Variants in REEP1 observed in about 807,000 individuals in gnomAD.
REEP1 encodes receptor expression-enhancing protein 1.
Under a neutral mutation model 40.3 loss-of-function variants are expected in REEP1, and 22 were observed. The ratio of observed to expected loss-of-function variants is 0.55; its 90% CI spans 0.39 to 0.78. The LOEUF is 0.78. Ranked by LOEUF, REEP1 falls within the 30% of genes least tolerant of loss-of-function variation. The pLI, the probability that REEP1 is intolerant of heterozygous loss-of-function variation, is 0.00. For missense variants in REEP1, 280 were observed against 361.1 expected, an observed-to-expected ratio of 0.78 and a Z score of 1.82; for synonymous variants, 116 against 139.2, an observed-to-expected ratio of 0.83 and a Z score of 1.17.
At chr2:86,280,952 C>T (rs1461812566) in intron 2 of REEP1, among the ~76,000 whole-genome samples, 1 of 152,160 alleles carries the variant, frequency 6.6e-6, no homozygotes, top group Admixed American at 6.5e-5. Context: ...GTAAAAGAGG[C>T]AAAGGCATGG....
intron 5 of REEP1, among the ~76,000 whole-genome samples, chr2:86,249,080 A>T (rs1200970274): frequency 6.6e-6 from 1 of 152,094 alleles, no homozygotes; most frequent in Non-Finnish European, 1.5e-5. Flanking sequence ...CCAACATGGC[A>T]AAACCCAGTC....
intron 1 of REEP1, among the ~76,000 whole-genome samples, chr2:86,329,862 G>T (rs1461067424): frequency 6.6e-6 from 1 of 152,104 alleles, no homozygotes; most frequent in African/African-American, 2.4e-5. Context: ...TCTGTAAGGG[G>T]ATATCAACGC....
At chr2:86,318,538 C>G (rs1680138388) in intron 1 of REEP1, among the ~76,000 whole-genome samples, 1 of 151,862 alleles carries the variant, frequency 6.6e-6, no homozygotes, top group African/African-American at 2.4e-5. Context: ...GCTGGGACTA[C>G]AGGTCCATGC....
intron 1 of REEP1, among the ~76,000 whole-genome samples, chr2:86,332,318 G>A (rs1680806498): frequency 6.6e-6 from 1 of 151,872 alleles, no homozygotes; most frequent in African/African-American, 2.4e-5. Flanking sequence ...AAGAATTCTG[G>A]TAACCAGCTG....
chr2:86,275,554 C>T (rs960726399), intron 2 of REEP1, among the ~76,000 whole-genome samples: 1 of 152,300 alleles, frequency 6.6e-6, no homozygotes, highest in African/African-American at 2.4e-5. Context: ...AGGTCCCAGA[C>T]AACTAGAGGC....
In REEP1 at chr2:86,263,976, G is replaced by T; in HGVS notation, c.171C>A (p.Ile57=). ...CCTGGAGTACTTACCAACAAAGGAA[G>T]ATGTCTGTGAATGTCTCTGCTGTGG... ...LFTTAETFTD[I]FLCWFPFYYE... is the part of the protein sequence containing the mutation. The change falls in exon 3 of 9, where the codon ATC becomes ATA. Residue 57 remains isoleucine (I), a synonymous_variant. Transcript: ENST00000538924. 2 of 1,612,190 alleles carry T rather than the reference G, an allele frequency of 1.2e-6. No homozygotes were observed. Among genetic ancestry groups the T allele is most frequent in the Non-Finnish European group, 1.7e-6 (2 of 1,178,222 alleles).
At chr2:86,229,598 CTTTTTTTT>C (rs70956106) in intron 6 of REEP1, among the ~76,000 whole-genome samples, 91 of 114,456 alleles carry the variant, frequency 8.0e-4, no homozygotes, top group African/African-American at 1.7e-3. Flanking sequence ...ACCTGTCTTC[CTTTTTTTT>C]TTTTTTTTTT....
At chr2:86,217,218 A>G (rs1382815388) in intron 8 of REEP1, 108 bp from the exon 9 acceptor site, 1 of 919,958 alleles carries the variant, frequency 1.1e-6, no homozygotes, top group Non-Finnish European at 1.8e-6. Context: ...CTTTGGCCAA[A>G]TGCAGCTGGC....
At chr2:86,240,510 G>T (rs949707365) in intron 5 of REEP1, among the ~76,000 whole-genome samples, 1 of 152,238 alleles carries the variant, frequency 6.6e-6, no homozygotes, top group African/African-American at 2.4e-5. Flanking sequence ...GCACGTGCTG[G>T]CGGGGAAGTG....
chr2:86,279,276 G>A (rs1677928810), intron 2 of REEP1, among the ~76,000 whole-genome samples: 1 of 152,230 alleles, frequency 6.6e-6, no homozygotes, highest in South Asian at 2.1e-4. Flanking sequence ...AGAAGCGACT[G>A]GGAAGTAGGG....
intron 2 of REEP1, among the ~76,000 whole-genome samples, chr2:86,270,822 AT>A (rs564165053): frequency 2.0e-4 from 30 of 152,180 alleles, no homozygotes; most frequent in Non-Finnish European, 3.2e-4. Context: ...TGTAATAGGA[AT>A]TCCAGAAGGA....
chr2:86,238,041 C>T (rs568664836), intron 5 of REEP1, among the ~76,000 whole-genome samples: 66 of 152,142 alleles, frequency 4.3e-4, no homozygotes, highest in Middle Eastern at 3.4e-3. Context: ...ATTAGCCAGG[C>T]ATGGTGGTGC....
intron 1 of REEP1, among the ~76,000 whole-genome samples, chr2:86,299,485 T>C (rs535189802): frequency 9.6e-4 from 146 of 152,324 alleles, no homozygotes; most frequent in Middle Eastern, 3.4e-3. Context: ...CTATTCTTTT[T>C]ATAAAACCTT....
At chr2:86,300,350 T>G (rs1679202655) in intron 1 of REEP1, among the ~76,000 whole-genome samples, 1 of 152,150 alleles carries the variant, frequency 6.6e-6, no homozygotes, top group African/African-American at 2.4e-5. Flanking sequence ...GAAGCCAGTT[T>G]CATACCACAC....
intron 7 of REEP1, among the ~76,000 whole-genome samples, chr2:86,221,557 C>A (rs1674427652): frequency 6.6e-6 from 1 of 152,146 alleles, no homozygotes; most frequent in South Asian, 2.1e-4. Flanking sequence ...TCCCTGGCCT[C>A]CCCACTCTGA....
chr2:86,284,508 G>C (rs937722996), intron 1 of REEP1, among the ~76,000 whole-genome samples: 1 of 152,226 alleles, frequency 6.6e-6, no homozygotes, highest in Non-Finnish European at 1.5e-5. Context: ...CCTTGGGACT[G>C]AGGTCTCGGT....
chr2:86,219,863 TGAG>T, intron 8 of REEP1, 104 bp downstream of exon 8: 2 of 810,590 alleles, frequency 2.5e-6, no homozygotes, highest in Middle Eastern at 4.2e-4. Context: ...CCCCAGGTAT[TGAG>T]GAGATGTTGG....
intron 5 of REEP1, 70 bp downstream of exon 5, chr2:86,251,887 G>T: frequency 9.6e-7 from 1 of 1,039,188 alleles, no homozygotes; most frequent in Non-Finnish European, 1.5e-6. Context: ...CTGTGTGGTC[G>T]CACAGGTGAT....
At chr2:86,265,847 C>G (rs1354210058) in intron 2 of REEP1, among the ~76,000 whole-genome samples, 1 of 152,146 alleles carries the variant, frequency 6.6e-6, no homozygotes, top group Non-Finnish European at 1.5e-5. Flanking sequence ...ATTTAGACTA[C>G]TTGGGTGATG....
Sources: gnomAD v4.1 joint callset for allele counts (sites outside exome capture counted in the v4.1 genomes callset) on GRCh38, gnomAD v4.1.1 for gene constraint, MANE v1.5 for transcripts, NCBI Gene and HGNC (gene_info 2026-07-23, HGNC 2026-07-21) for gene names.